ELAVL4: variants seen among roughly 807,000 people sequenced by gnomAD.
ELAVL4 encodes ELAV-like protein 4.
A neutral mutation model predicts 35.6 loss-of-function variants in ELAVL4; 1 was observed. The observed-to-expected ratio is 0.03, with a 90% CI of 0.01 to 0.13. The LOEUF (loss-of-function observed/expected upper bound fraction) is 0.13. Among genes scored for constraint, ELAVL4 ranks in the 10% least tolerant of loss-of-function variants. The pLI is 1.00. For missense variants in ELAVL4, 267 were observed against 464.9 expected (o/e 0.57, Z 3.91); for synonymous variants, 156 against 171.0 (o/e 0.91, Z 0.69).
At chr1:50,136,682 G>A (rs751817898) in intron 1 of ELAVL4, among the ~76,000 whole-genome samples, 6 of 152,044 alleles carry the variant, frequency 3.9e-5, no homozygotes, top group Admixed American at 6.6e-5. Flanking sequence ...CATCTTTCTC[G>A]TTTCTGGGAA....
chr1:50,193,990 G>T, intron 4 of ELAVL4, 72 bp downstream of exon 4: 1 of 1,549,668 alleles, frequency 6.5e-7, no homozygotes, highest in Non-Finnish European at 8.8e-7. Context: ...AAGAGCAGAA[G>T]GCTGATGGCT....
chr1:50,067,599 C>CATTTAAAGTGAATAAAACCTTTA (rs1553164403), intron 1 of ELAVL4, among the ~76,000 whole-genome samples: 3 of 152,114 alleles, frequency 2.0e-5, no homozygotes, highest in African/African-American at 7.2e-5. Context: ...TTTATTCTGA[C>CATTTAAAGTGAATAAAACCTTTA]AAAAATTGAT....
At chr1:50,089,524 G>A (rs1665398596) in intron 1 of ELAVL4, among the ~76,000 whole-genome samples, 1 of 152,160 alleles carries the variant, frequency 6.6e-6, no homozygotes, top group Non-Finnish European at 1.5e-5. Context: ...AGGCCAAGGT[G>A]GGCAGATCAA....
intron 1 of ELAVL4, among the ~76,000 whole-genome samples, chr1:50,085,134 G>A (rs1665184534): frequency 6.6e-6 from 1 of 152,172 alleles, no homozygotes; most frequent in Non-Finnish European, 1.5e-5. Flanking sequence ...GGGGGTGCCA[G>A]TTTCACTGCA....
At chr1:50,170,724 C>G (rs1678849457) in intron 2 of ELAVL4, among the ~76,000 whole-genome samples, 1 of 152,166 alleles carries the variant, frequency 6.6e-6, no homozygotes. Flanking sequence ...ACAGGAACCA[C>G]ACCTTGAGTA....
intron 1 of ELAVL4, among the ~76,000 whole-genome samples, chr1:50,070,031 A>G (rs1485700390): frequency 6.6e-6 from 1 of 152,226 alleles, no homozygotes; most frequent in Non-Finnish European, 1.5e-5. Flanking sequence ...TGCTAAGTAT[A>G]GAAGTGTGCA....
chr1:50,145,683 G>GAT (rs1044461182), intron 2 of ELAVL4, among the ~76,000 whole-genome samples: 8 of 152,180 alleles, frequency 5.3e-5, no homozygotes, highest in Admixed American at 2.0e-4. Flanking sequence ...AGGCCCTAAG[G>GAT]ATAGCAGATT....
At chr1:50,104,463 CTT>C (rs1285321769), upstream of ELAVL4, among the ~76,000 whole-genome samples, 5 of 152,168 alleles carry the variant, frequency 3.3e-5, no homozygotes, top group African/African-American at 1.2e-4. Context: ...TCACTTGAAA[CTT>C]AATATATGCA....
At chr1:50,133,788 C>T (rs1241252429) in intron 1 of ELAVL4, among the ~76,000 whole-genome samples, 1 of 152,078 alleles carries the variant, frequency 6.6e-6, no homozygotes, top group Non-Finnish European at 1.5e-5. Flanking sequence ...GAACATGTAG[C>T]TATATGAGGC....
intron 6 of ELAVL4, among the ~76,000 whole-genome samples, chr1:50,200,554 A>T (rs1242021535): frequency 6.6e-6 from 1 of 152,162 alleles, no homozygotes; most frequent in Admixed American, 6.5e-5. Context: ...CGCTATGAGC[A>T]TATACTGTGA....
At chr1:50,085,489 A>G (rs1159736989) in intron 1 of ELAVL4, among the ~76,000 whole-genome samples, 1 of 152,214 alleles carries the variant, frequency 6.6e-6, no homozygotes. Context: ...TTCAGCCTTC[A>G]TAATCTGGGC....
intron 2 of ELAVL4, among the ~76,000 whole-genome samples, chr1:50,156,670 A>G (rs962613117): frequency 5.3e-5 from 8 of 152,118 alleles, no homozygotes; most frequent in Admixed American, 2.0e-4. Context: ...CACATTAGTG[A>G]CCCCCTTATT....
At chr1:50,147,435 C>T (rs563698224) in intron 2 of ELAVL4, among the ~76,000 whole-genome samples, 2 of 152,256 alleles carry the variant, frequency 1.3e-5, no homozygotes, top group African/African-American at 4.8e-5. Flanking sequence ...TCCATCCACC[C>T]GTTGTTCAGG....
intron 3 of ELAVL4, among the ~76,000 whole-genome samples, chr1:50,191,929 T>C (rs1178453229): frequency 6.6e-6 from 1 of 152,224 alleles, no homozygotes; most frequent in Non-Finnish European, 1.5e-5. Flanking sequence ...ATCACTATGA[T>C]GTTTTTATTT....
At chr1:50,112,703 T>A (rs1203900238) in intron 1 of ELAVL4, among the ~76,000 whole-genome samples, 1 of 152,144 alleles carries the variant, frequency 6.6e-6, no homozygotes, top group Non-Finnish European at 1.5e-5. Context: ...TCTCATTTTT[T>A]AAAAAGCTAA....
intron 1 of ELAVL4, among the ~76,000 whole-genome samples, chr1:50,131,707 T>C (rs995830636): frequency 6.6e-6 from 1 of 151,952 alleles, no homozygotes; most frequent in African/African-American, 2.4e-5. Context: ...GGAGAATCAC[T>C]TGAACCTAGG....
At chr1:50,193,997 G>A in intron 4 of ELAVL4, 79 bp downstream of exon 4, 1 of 1,538,886 alleles carries the variant, frequency 6.5e-7, no homozygotes, top group East Asian at 2.3e-5. Flanking sequence ...GAAGGCTGAT[G>A]GCTGCTTAAA....
chr1:50,098,479 G>A (rs1665811264), intron 1 of ELAVL4, among the ~76,000 whole-genome samples: 1 of 152,094 alleles, frequency 6.6e-6, no homozygotes. Flanking sequence ...CATAAAGGAA[G>A]GTTAACATGA....
intron 3 of ELAVL4, among the ~76,000 whole-genome samples, chr1:50,193,421 T>C (rs1244505467): frequency 6.6e-6 from 1 of 150,746 alleles, no homozygotes; most frequent in Non-Finnish European, 1.5e-5. Flanking sequence ...ATACAGTAAA[T>C]CATCTATACA....
Sources: gnomAD v4.1 joint callset for allele counts (sites outside exome capture counted in the v4.1 genomes callset) on GRCh38, gnomAD v4.1.1 for gene constraint, MANE v1.5 for transcripts, NCBI Gene and HGNC (gene_info 2026-07-23, HGNC 2026-07-21) for gene names.